Variants in PTPRT observed in about 807,000 individuals in gnomAD.
The protein encoded by PTPRT is receptor-type tyrosine-protein phosphatase T.
PTPRT carries 56 observed loss-of-function variants against 176.8 expected under a neutral mutation model. That is an observed-to-expected ratio of 0.32 (90% confidence interval 0.26 to 0.40). PTPRT has a LOEUF of 0.40. PTPRT is among the 10% of genes least tolerant of loss of function. The pLI, the probability that PTPRT is intolerant of heterozygous loss-of-function variation, is 1.00. For missense variants in PTPRT, 1,540 were observed against 1,908.2 expected (o/e 0.81, Z 3.60); for synonymous variants, 783 against 739.0 (o/e 1.06, Z -0.96).
chr20:42,683,271 T>TGTTTTGTTTTGTTTTGTTTTG (rs1555898539), intron 6 of PTPRT, among the ~76,000 whole-genome samples: 9 of 149,280 alleles, frequency 6.0e-5, no homozygotes, highest in Admixed American at 1.3e-4. Context: ...TTACTTGTTT[T>TGTTTTGTTTTGTTTTGTTTTG]TTTTGTTTTG....
intron 1 of PTPRT, among the ~76,000 whole-genome samples, chr20:43,059,486 C>T (rs1022006935): frequency 5.3e-5 from 8 of 152,148 alleles, no homozygotes; most frequent in Non-Finnish European, 7.3e-5. Flanking sequence ...AAAGCTTTGC[C>T]GCTTGATAAG....
chr20:42,401,773 A>T (rs2058910777), intron 9 of PTPRT, among the ~76,000 whole-genome samples: 1 of 152,200 alleles, frequency 6.6e-6, no homozygotes, highest in South Asian at 2.1e-4. Context: ...CATCTCTGTC[A>T]CTGCCAGCCC....
intron 9 of PTPRT, among the ~76,000 whole-genome samples, chr20:42,354,218 C>G (rs899499335): frequency 2.6e-5 from 4 of 152,204 alleles, no homozygotes. Context: ...TTGCCTACCC[C>G]CATCAGGGAT....
At chr20:42,197,255 T>C (rs1279381460) in intron 16 of PTPRT, among the ~76,000 whole-genome samples, 2 of 151,630 alleles carry the variant, frequency 1.3e-5, no homozygotes, top group East Asian at 3.9e-4. Flanking sequence ...GGTGGGCACC[T>C]GTATTCCCAG....
chr20:42,454,063 A>G (rs1231427956), intron 8 of PTPRT, among the ~76,000 whole-genome samples: 1 of 152,078 alleles, frequency 6.6e-6, no homozygotes, highest in East Asian at 1.9e-4. Flanking sequence ...ATATATCCCA[A>G]GACAATATAT....
Position 42,093,779 on chromosome 20 carries a change from T to C in PTPRT, c.3846+4642A>G, listed in dbSNP as rs536065772. ...CATGAGCACGCAGGCAGACAGATGCTGACGCCGCTTCAAAGAACCGCCCCT... is the reference window on the plus strand; with the variant it reads ...CATGAGCACGCAGGCAGACAGATGCCGACGCCGCTTCAAAGAACCGCCCCT... On this transcript the variant is annotated intron_variant, in intron 27 of 30. Transcript: ENST00000373187. 6.3e-4 allele frequency among the ~76,000 whole-genome samples: 96 copies of C among 152,358 alleles called. 1 individual carries two copies. Among genetic ancestry groups the C allele is most frequent in the African/African-American group, 2.2e-3 (92 of 41,596 alleles).
chr20:42,725,790 C>G (rs1414470641), intron 6 of PTPRT, among the ~76,000 whole-genome samples: 2 of 151,840 alleles, frequency 1.3e-5, no homozygotes, highest in Non-Finnish European at 2.9e-5. Context: ...CCAGAAATAC[C>G]ATTTGACCCA....
At chr20:42,168,304 T>G (rs1427588148) in intron 16 of PTPRT, among the ~76,000 whole-genome samples, 2 of 152,194 alleles carry the variant, frequency 1.3e-5, no homozygotes. Flanking sequence ...ACTTTGAGCC[T>G]AAGGTCTTTA....
chr20:42,816,055 A>G (rs1027103888), intron 2 of PTPRT, among the ~76,000 whole-genome samples: 3 of 152,168 alleles, frequency 2.0e-5, no homozygotes, highest in East Asian at 1.9e-4. Context: ...CACACACACA[A>G]AAGTCTTCTT....
At chr20:42,264,433 G>T (rs1376462355) in intron 13 of PTPRT, among the ~76,000 whole-genome samples, 1 of 152,156 alleles carries the variant, frequency 6.6e-6, no homozygotes, top group Non-Finnish European at 1.5e-5. Flanking sequence ...TTGATCCAAG[G>T]CTCGTCTCCT....
chr20:42,320,648 G>A lies in PTPRT; in HGVS notation c.1866-4652C>T, dbSNP rs79365351. Among the ~76,000 whole-genome samples, 1,488 of 152,284 alleles carry A rather than the reference G, an allele frequency of 9.8e-3. 16 individuals carry two copies. The highest frequency in any genetic ancestry group is 0.039 in the South Asian group (188 of 4,822). On this transcript the variant is annotated intron_variant, in intron 11 of 30. Transcript: ENST00000373187. ...GAGGAAGTAGTCCCAGAAGAAACTA[G>A]TAAAGGAGTGAGAGAAAATGGGAGG... is the stretch of plus-strand genomic sequence containing the variant.
chr20:42,863,273 G>A (rs2078692391), intron 2 of PTPRT, among the ~76,000 whole-genome samples: 1 of 152,176 alleles, frequency 6.6e-6, no homozygotes, highest in South Asian at 2.1e-4. Flanking sequence ...TGAATGAAGT[G>A]CCTACAGCAG....
At chr20:42,127,042 C>CA (rs150883040) in intron 19 of PTPRT, among the ~76,000 whole-genome samples, 1,979 of 152,232 alleles carry the variant, frequency 0.013, 54 homozygotes, top group African/African-American at 0.044. Flanking sequence ...GTGTTTCAGA[C>CA]GAGGCAATTC....
chr20:42,153,014 C>A (rs1032316702), intron 17 of PTPRT, among the ~76,000 whole-genome samples: 1 of 152,172 alleles, frequency 6.6e-6, no homozygotes, highest in Admixed American at 6.5e-5. Context: ...TTGTACACAA[C>A]CTTCTCCTCT....
At chr20:42,032,143 T>G in the PTPRT span, among the ~76,000 whole-genome samples, 1 of 151,120 alleles carries the variant, frequency 6.6e-6, no homozygotes, top group Non-Finnish European at 1.5e-5. Flanking sequence ...CTCAGTGAAA[T>G]AGGCCTGGAA....
Position 42,925,018 on chromosome 20 carries a change from A to C in PTPRT, c.89-39086T>G, listed in dbSNP as rs143705749. ...TGTGAGAATTACTGCGGCTGCATTG[A>C]GCCTTTCAAAAGAGAGAAGCGCCAT... On this transcript the variant is annotated intron_variant, in intron 1 of 30. Transcript: ENST00000373187. Among the ~76,000 whole-genome samples, 383 of 152,354 alleles carry C rather than the reference A, an allele frequency of 2.5e-3. 1 individual carries two copies. The highest frequency in any genetic ancestry group is 8.7e-3 in the African/African-American group (363 of 41,572).
At chr20:42,991,639 G>A (rs1983919415) in intron 1 of PTPRT, among the ~76,000 whole-genome samples, 1 of 152,048 alleles carries the variant, frequency 6.6e-6, no homozygotes, top group South Asian at 2.1e-4. Flanking sequence ...AAATGGATAG[G>A]AATGATGGTT....
intron 11 of PTPRT, among the ~76,000 whole-genome samples, chr20:42,326,990 C>T (rs1415845157): frequency 6.7e-6 from 1 of 148,572 alleles, no homozygotes; most frequent in Non-Finnish European, 1.5e-5. Flanking sequence ...GGCTGAAAAA[C>T]CACTACTGGA....
intron 6 of PTPRT, among the ~76,000 whole-genome samples, chr20:42,733,414 A>G (rs1285472604): frequency 6.6e-6 from 1 of 152,252 alleles, no homozygotes; most frequent in Admixed American, 6.5e-5. Context: ...TGAAGATAAA[A>G]GGAGGAAGAA....
Sources: gnomAD v4.1 joint callset for allele counts (sites outside exome capture counted in the v4.1 genomes callset) on GRCh38, gnomAD v4.1.1 for gene constraint, MANE v1.5 for transcripts, NCBI Gene and HGNC (gene_info 2026-07-23, HGNC 2026-07-21) for gene names.